Variants in UBE2D4 observed in about 807,000 individuals in gnomAD.
The protein encoded by UBE2D4 is ubiquitin-conjugating enzyme E2 D4.
In UBE2D4, 17 loss-of-function variants were observed where a neutral mutation model predicts 23.0. That is an observed-to-expected ratio of 0.74 (90% CI 0.51 to 1.11). UBE2D4 has a LOEUF of 1.11. Ranked by LOEUF, UBE2D4 falls within the 50% of genes least tolerant of loss-of-function variation. UBE2D4 has a pLI of 0.00. For synonymous variants in UBE2D4, 61 were observed against 69.4 expected (o/e 0.88, Z 0.60); for missense variants, 139 against 181.8 (o/e 0.76, Z 1.35).
intron 1 of UBE2D4, among the ~76,000 whole-genome samples, chr7:43,927,601 G>A (rs1310410163): frequency 6.6e-6 from 1 of 152,136 alleles, no homozygotes; most frequent in Non-Finnish European, 1.5e-5. Flanking sequence ...ACCATGCCCA[G>A]TCCTATAACT....
intron 6 of UBE2D4, among the ~76,000 whole-genome samples, chr7:43,951,093 C>G (rs1295286068): frequency 1.3e-5 from 2 of 152,230 alleles, no homozygotes; most frequent in Admixed American, 1.3e-4. Context: ...GTCTGCTTGG[C>G]TATACCGAAG....
At chr7:43,950,807 C>T in intron 6 of UBE2D4, 115 bp downstream of exon 6, 1 of 828,970 alleles carries the variant, frequency 1.2e-6, no homozygotes, top group Non-Finnish European at 2.0e-6. Context: ...CATCTTCCTG[C>T]CCATGCTGAG....
chr7:43,954,284 T>A lies in UBE2D4; in HGVS notation c.*1589T>A, dbSNP rs2096008972. On this transcript the variant is annotated 3_prime_UTR_variant, in exon 7 of 7. Transcript: ENST00000222402. ...TTTTTTTTTTTTTTTTTTTTTTTTT[T>A]TAACACAGAGCCTTGCTCTGTCTCC... is the stretch of plus-strand genomic sequence containing the variant. 9.5e-6 allele frequency: 1 copy of A among 105,236 alleles called. No homozygotes were observed. 6.5% of individuals were successfully genotyped at this position (105,236 alleles called of 1,614,324 possible).
chr7:43,953,348 C>G lies in UBE2D4; in HGVS notation c.*653C>G, dbSNP rs1401090855. 2.8e-6 allele frequency: 1 copy of G among 360,382 alleles called. No homozygotes were observed. Among genetic ancestry groups the G allele is most frequent in the African/African-American group, 2.1e-5 (1 of 46,720 alleles). The allele number at this position is 360,382 out of a possible 1,614,324, so 22.3% of individuals were successfully genotyped here. ...TTTCAGGATACAAAGCACATAACAC[C>G]CCATAAGAGATGATTATGTTTTTAG... On this transcript the variant is annotated 3_prime_UTR_variant, in exon 7 of 7. Transcript: ENST00000222402.
chr7:43,938,039 T>C (rs925703077), intron 1 of UBE2D4, among the ~76,000 whole-genome samples: 1 of 152,046 alleles, frequency 6.6e-6, no homozygotes, highest in African/African-American at 2.4e-5. Flanking sequence ...CTCCCAGAAC[T>C]CTCTCCTGGG....
rs17172258 is a variant in UBE2D4 at position 43,954,197 on chromosome 7, C to T, written c.*1502C>T. 0.037 allele frequency: 5,582 copies of T among 151,548 alleles called. 336 individuals carry two copies. The highest frequency in any genetic ancestry group is 0.13 in the African/African-American group (5,328 of 41,168). The allele number at this position is 151,548 out of a possible 1,614,324, so 9.4% of individuals were successfully genotyped here. A position where few individuals can be genotyped will look rare whatever the true frequency, so the allele number is the denominator to read the frequency against. On this transcript the variant is annotated 3_prime_UTR_variant, in exon 7 of 7. Coordinates refer to ENST00000222402, the MANE Select transcript of UBE2D4 (RefSeq NM_015983.4). Reference sequence around the variant, plus strand: ...GTCCACATTTAGGATCCTCCTGCTACCATAAGGCCCCTTTTGGGGTTCTTT... The same window carrying T: ...GTCCACATTTAGGATCCTCCTGCTATCATAAGGCCCCTTTTGGGGTTCTTT...
intron 5 of UBE2D4, among the ~76,000 whole-genome samples, chr7:43,949,786 A>G (rs936775159): frequency 6.6e-6 from 1 of 152,176 alleles, no homozygotes; most frequent in Non-Finnish European, 1.5e-5. Flanking sequence ...TTGAGTGCAC[A>G]TCTTAGAGAC....
intron 1 of UBE2D4, among the ~76,000 whole-genome samples, chr7:43,937,310 G>A (rs1331758948): frequency 2.0e-5 from 3 of 152,184 alleles, no homozygotes; most frequent in African/African-American, 7.2e-5. Context: ...TGATAGTGGA[G>A]GTGCTGAGGG....
chr7:43,951,244 G>C (rs959304429), intron 6 of UBE2D4, among the ~76,000 whole-genome samples: 1 of 152,144 alleles, frequency 6.6e-6, no homozygotes, highest in Non-Finnish European at 1.5e-5. Flanking sequence ...GTAAAATTCC[G>C]ACCCCCTAGG....
At chr7:43,937,317 A>C (rs1302533419) in intron 1 of UBE2D4, among the ~76,000 whole-genome samples, 1 of 152,192 alleles carries the variant, frequency 6.6e-6, no homozygotes, top group East Asian at 1.9e-4. Context: ...GGAGGTGCTG[A>C]GGGGCACATA....
Position 43,953,049 on chromosome 7 carries a change from T to C in UBE2D4, c.*354T>C, listed in dbSNP as rs929960920. 6 of 436,220 alleles carry C rather than the reference T, an allele frequency of 1.4e-5. No homozygotes were observed. The highest frequency in any genetic ancestry group is 5.0e-5 in the South Asian group (3 of 59,654). 27.0% of individuals were successfully genotyped at this position (436,220 alleles called of 1,614,324 possible). A position where few individuals can be genotyped will look rare whatever the true frequency, so the allele number is the denominator to read the frequency against. ...CCTCAAATGGTGCTGCTGCCCATGA[T>C]GGTACCACACCAGGGCCTCAGCCTG... On this transcript the variant is annotated 3_prime_UTR_variant, in exon 7 of 7. Transcript: ENST00000222402.
In UBE2D4 at chr7:43,952,990, G is replaced by A. The variant is rs2096006355; in HGVS notation, c.*295G>A. The A allele has an allele frequency of 9.9e-6, 4 of 402,394 alleles. No individual in the cohort carries two copies. In the East Asian group the frequency reaches 2.3e-4, roughly 24 times the overall value. 24.9% of individuals were successfully genotyped at this position (402,394 alleles called of 1,614,324 possible). ...GCCTCAGTTTGTCTGCTGGTCTCTT[G>A]GGGGGCCAGGCCCTGCACGTCTCTC... On this transcript the variant is annotated 3_prime_UTR_variant, in exon 7 of 7. Coordinates refer to ENST00000222402, the MANE Select transcript of UBE2D4 (RefSeq NM_015983.4).
intron 4 of UBE2D4, among the ~76,000 whole-genome samples, chr7:43,948,214 A>G (rs1338501482): frequency 6.6e-6 from 1 of 152,102 alleles, no homozygotes; most frequent in Non-Finnish European, 1.5e-5. Flanking sequence ...CCATTTGTCT[A>G]TTTTGGCTTT....
Position 43,942,962 on chromosome 7 carries a change from T to G in UBE2D4, c.129T>G (p.Ser43Arg). 6.2e-7 allele frequency: 1 copy of G among 1,614,176 alleles called. No individual in the cohort carries two copies. The change falls in exon 4 of 7, where the codon AGT becomes AGG. Residue 43 changes from serine (S) to arginine (R), a missense_variant. Ser to Arg is a moderately radical substitution (Grantham distance 110). Coordinates refer to ENST00000222402, the MANE Select transcript of UBE2D4 (RefSeq NM_015983.4). Reference sequence around the variant, plus strand: ...GTGTCTCATCCTTCCAGAATGACAGTCCTTACCAAGGAGGTGTTTTCTTCC... The same window carrying G: ...GTGTCTCATCCTTCCAGAATGACAGGCCTTACCAAGGAGGTGTTTTCTTCC... ...WQATIMGPND[S>R]PYQGGVFFLT...
intron 5 of UBE2D4, 40 bp downstream of exon 5, chr7:43,948,777 CAT>C (rs764441115): frequency 6.2e-5 from 91 of 1,461,062 alleles, no homozygotes; most frequent in Admixed American, 1.7e-4. Flanking sequence ...CTCTTTTACA[CAT>C]GTTTTTACCC....
At chr7:43,926,606 T>G (rs1370625412) in intron 1 of UBE2D4, 50 bp downstream of exon 1, 1 of 1,526,712 alleles carries the variant, frequency 6.6e-7, no homozygotes, top group Non-Finnish European at 8.8e-7. Flanking sequence ...AGCGTCGAGG[T>G]GTGGGCGGGG....
intron 1 of UBE2D4, 66 bp from the exon 2 acceptor site, chr7:43,938,365 A>G: frequency 6.6e-7 from 1 of 1,505,646 alleles, no homozygotes; most frequent in Non-Finnish European, 9.2e-7. Flanking sequence ...TCCAGCTACC[A>G]AGATTGGTAT....
At chr7:43,945,776 C>CTT (rs11339851) in intron 4 of UBE2D4, among the ~76,000 whole-genome samples, 919 of 84,160 alleles carry the variant, frequency 0.011, 1 homozygote, top group Non-Finnish European at 0.012. Context: ...GGCAAAATCC[C>CTT]TTTTTTTTTT....
chr7:43,931,159 G>A (rs532275487), intron 1 of UBE2D4, among the ~76,000 whole-genome samples: 39 of 152,046 alleles, frequency 2.6e-4, no homozygotes, highest in African/African-American at 8.9e-4. Context: ...CCTGAAGGCT[G>A]GATGAGGTGG....
Sources: allele counts gnomAD v4.1 joint callset (sites outside exome capture counted in the v4.1 genomes callset), GRCh38; gene constraint gnomAD v4.1.1; transcripts MANE v1.5; gene names NCBI Gene and HGNC (gene_info 2026-07-23, HGNC 2026-07-21).